Variants in TRPM3 observed in about 807,000 individuals in gnomAD.
The protein encoded by TRPM3 is long transient receptor potential channel 3.
In TRPM3, 77 loss-of-function variants were observed where a neutral mutation model predicts 181.2. The observed-to-expected ratio is 0.42, with a 90% CI of 0.35 to 0.51. TRPM3 has a LOEUF of 0.51. Ranked by LOEUF, TRPM3 falls within the 20% of genes least tolerant of loss-of-function variation. The probability of loss-of-function intolerance (pLI) is 0.01; values close to 1 mark genes in which losing one functional copy is unlikely to be tolerated. For missense variants in TRPM3, 1,759 were observed against 2,196.7 expected, an observed-to-expected ratio of 0.80 and a Z score of 3.98; for synonymous variants, 745 against 796.4, an observed-to-expected ratio of 0.94 and a Z score of 1.09.
At chr9:71,388,958 C>G (rs780227043) in intron 1 of TRPM3, among the ~76,000 whole-genome samples, 1 of 152,002 alleles carries the variant, frequency 6.6e-6, no homozygotes, top group Non-Finnish European at 1.5e-5. Context: ...AAAACAACAG[C>G]TTCTTTGAGC....
At chr9:71,010,117 C>G (rs760311217) in intron 1 of TRPM3, among the ~76,000 whole-genome samples, 2 of 152,030 alleles carry the variant, frequency 1.3e-5, no homozygotes, top group East Asian at 3.9e-4. Flanking sequence ...AGACCTGAAA[C>G]TAGGAAAGTA....
intron 1 of TRPM3, among the ~76,000 whole-genome samples, chr9:71,180,659 C>A (rs974298535): frequency 1.3e-5 from 2 of 152,098 alleles, no homozygotes; most frequent in Non-Finnish European, 2.9e-5. Flanking sequence ...GCAGATCCAC[C>A]TAGGCCACAT....
intron 9 of TRPM3, among the ~76,000 whole-genome samples, chr9:70,672,097 A>C (rs1052901469): frequency 6.6e-6 from 1 of 152,098 alleles, no homozygotes; most frequent in South Asian, 2.1e-4. Context: ...TCTTACCAGC[A>C]TCCTTTCTTT....
chr9:70,610,872 T>A lies in TRPM3; in HGVS notation c.2527-123A>T. ...CCTAAGAACCCAAGGCCCCAGAGAT[T>A]TAGAGGTTGTACCTTCCCTAAGAGT... On this transcript the variant is annotated intron_variant, in intron 18 of 25. Coordinates refer to ENST00000677713, the MANE Select transcript of TRPM3 (RefSeq NM_001366145.2). 3 of 1,195,790 alleles carry A rather than the reference T, an allele frequency of 2.5e-6. No individual in the cohort carries two copies. The South Asian group carries it at 4.5e-5, about 18-fold the overall frequency. 74.1% of individuals were successfully genotyped at this position (1,195,790 alleles called of 1,614,324 possible). A position where few individuals can be genotyped will look rare whatever the true frequency, so the allele number is the denominator to read the frequency against.
chr9:70,569,626 A>G (rs1331006053), intron 22 of TRPM3, among the ~76,000 whole-genome samples: 2 of 152,210 alleles, frequency 1.3e-5, no homozygotes, highest in African/African-American at 4.8e-5. Flanking sequence ...TCTGTGTGTT[A>G]GCATCTGAGA....
At chr9:70,822,786 TGTG>T (rs1428389400) in intron 6 of TRPM3, among the ~76,000 whole-genome samples, 1 of 151,898 alleles carries the variant, frequency 6.6e-6, no homozygotes, top group Non-Finnish European at 1.5e-5. Context: ...TGTGTGTGTG[TGTG>T]TGTGTGTTCC....
intron 1 of TRPM3, among the ~76,000 whole-genome samples, chr9:71,052,933 T>G (rs539684801): frequency 1.3e-5 from 2 of 151,972 alleles, no homozygotes; most frequent in Non-Finnish European, 2.9e-5. Flanking sequence ...TATATTTTTA[T>G]GGCAAATAAA....
intron 1 of TRPM3, among the ~76,000 whole-genome samples, chr9:70,866,124 G>C (rs1460312058): frequency 6.6e-6 from 1 of 152,042 alleles, no homozygotes; most frequent in African/African-American, 2.4e-5. Flanking sequence ...ACTATTCATA[G>C]GCCATGATTT....
At chr9:71,393,482 C>T (rs932577587) in intron 1 of TRPM3, among the ~76,000 whole-genome samples, 1 of 152,048 alleles carries the variant, frequency 6.6e-6, no homozygotes, top group Non-Finnish European at 1.5e-5. Flanking sequence ...TTTGGTAGAG[C>T]TTGAGGATGG....
At chr9:71,400,874 T>C (rs1432605455) in intron 1 of TRPM3, among the ~76,000 whole-genome samples, 2 of 151,972 alleles carry the variant, frequency 1.3e-5, no homozygotes, top group East Asian at 1.9e-4. Context: ...GGTATTCTAA[T>C]GCTTATTAGT....
intron 7 of TRPM3, among the ~76,000 whole-genome samples, chr9:70,764,771 T>G (rs2078783635): frequency 6.6e-6 from 1 of 152,146 alleles, no homozygotes; most frequent in Non-Finnish European, 1.5e-5. Context: ...GAAATTAAAA[T>G]TAAATAACTG....
intron 22 of TRPM3, among the ~76,000 whole-genome samples, chr9:70,570,206 T>TA (rs1333638187): frequency 7.4e-6 from 1 of 135,364 alleles, no homozygotes; most frequent in Non-Finnish European, 1.6e-5. Context: ...GGAGCTGCAT[T>TA]AAAAAAATCT....
chr9:71,289,706 A>G (rs2085619815), intron 1 of TRPM3, among the ~76,000 whole-genome samples: 1 of 151,866 alleles, frequency 6.6e-6, no homozygotes. Context: ...CGTCTCTACT[A>G]AAAATACAAA....
intron 1 of TRPM3, among the ~76,000 whole-genome samples, chr9:71,187,491 A>T (rs1244171133): frequency 2.0e-5 from 3 of 151,988 alleles, no homozygotes; most frequent in African/African-American, 7.2e-5. Flanking sequence ...TTACCCAGGC[A>T]GATACCCTTT....
At chr9:71,076,991 T>C (rs558716296) in intron 1 of TRPM3, among the ~76,000 whole-genome samples, 48 of 152,324 alleles carry the variant, frequency 3.2e-4, no homozygotes, top group African/African-American at 1.2e-3. Flanking sequence ...ACACATTTTC[T>C]ACACTACAAA....
intron 6 of TRPM3, among the ~76,000 whole-genome samples, chr9:70,817,235 G>A (rs1283939262): frequency 1.3e-5 from 2 of 152,194 alleles, no homozygotes; most frequent in Non-Finnish European, 2.9e-5. Context: ...CACATAAGAT[G>A]TGAGCTAAAA....
At position 70,931,821 on chromosome 9, in the gene TRPM3, T is replaced by C. The variant is rs181639753; in HGVS notation, c.178-67310A>G. Reference sequence around the variant, plus strand: ...TAGACTATGAGCATATAATTGATAATTGGTGTTTAAAGACTTTCTAAACTC... The same window carrying C: ...TAGACTATGAGCATATAATTGATAACTGGTGTTTAAAGACTTTCTAAACTC... On this transcript the variant is annotated intron_variant, in intron 1 of 25. Transcript: ENST00000677713. 2.5e-4 allele frequency among the ~76,000 whole-genome samples: 38 copies of C among 152,314 alleles called. No individual in the cohort carries two copies. The East Asian group carries it at 6.0e-3, about 24-fold the overall frequency.
At chr9:71,421,051 G>T (rs923073188) in intron 1 of TRPM3, among the ~76,000 whole-genome samples, 1 of 150,950 alleles carries the variant, frequency 6.6e-6, no homozygotes. Flanking sequence ...ACGAACTCAC[G>T]TCCTTTGCAG....
At chr9:71,077,978 A>C (rs574807846) in intron 1 of TRPM3, among the ~76,000 whole-genome samples, 32 of 147,432 alleles carry the variant, frequency 2.2e-4, no homozygotes, top group African/African-American at 7.3e-4. Context: ...TTCTTGGTGT[A>C]CAGCTGGCTG....
Sources: gnomAD v4.1 joint callset for allele counts (sites outside exome capture counted in the v4.1 genomes callset) on GRCh38, gnomAD v4.1.1 for gene constraint, MANE v1.5 for transcripts, NCBI Gene and HGNC (gene_info 2026-07-23, HGNC 2026-07-21) for gene names.